MSRA: variants seen among roughly 807,000 people sequenced by gnomAD.
MSRA encodes the protein mitochondrial peptide methionine sulfoxide reductase.
A neutral mutation model predicts 31.3 loss-of-function variants in MSRA; 54 were observed. The ratio of observed to expected loss-of-function variants is 1.73; its 90% confidence interval spans 1.39 to 2.17. The LOEUF (loss-of-function observed/expected upper bound fraction) is 2.17. Among genes scored for constraint, MSRA ranks in the 30% most tolerant of loss-of-function variants. MSRA has a pLI of 0.00. For synonymous variants in MSRA, 169 were observed against 116.5 expected (o/e 1.45, Z -2.90); for missense variants, 507 against 300.9 (o/e 1.69, Z -5.07).
At chr8:10,400,105 A>C (rs748062652) in intron 5 of MSRA, among the ~76,000 whole-genome samples, 6 of 152,018 alleles carry the variant, frequency 3.9e-5, no homozygotes, top group Non-Finnish European at 8.8e-5. Flanking sequence ...GTGATAAACC[A>C]TTGTCATAGA....
chr8:10,248,157 G>C (rs948123360), intron 3 of MSRA, among the ~76,000 whole-genome samples: 1 of 152,168 alleles, frequency 6.6e-6, no homozygotes. Context: ...CATTGTGGGA[G>C]AAATACTAGT....
At position 10,261,537 on chromosome 8, in the gene MSRA, AC is replaced by A. The variant is rs574759507; in HGVS notation, c.331+16316del. 3.7e-4 allele frequency among the ~76,000 whole-genome samples: 56 copies of A among 152,170 alleles called. 1 individual carries two copies. Among genetic ancestry groups the A allele is most frequent in the African/African-American group, 1.3e-3 (54 of 41,522 alleles). On this transcript the variant is annotated intron_variant, in intron 3 of 5. Coordinates refer to ENST00000317173, the MANE Select transcript of MSRA (RefSeq NM_012331.5). ...AAAGCAAGGCATTCGTTTCTACAAA[AC>A]CTTTTTTTTAAGGACTTTAATTTTT...
chr8:10,251,991 C>T (rs915361181), intron 3 of MSRA, among the ~76,000 whole-genome samples: 9 of 152,168 alleles, frequency 5.9e-5, no homozygotes, highest in African/African-American at 1.9e-4. Context: ...AAGGGTTCTG[C>T]AGGAGCTCCA....
At chr8:10,300,487 C>G (rs1356921157) in intron 3 of MSRA, among the ~76,000 whole-genome samples, 1 of 152,024 alleles carries the variant, frequency 6.6e-6, no homozygotes, top group Non-Finnish European at 1.5e-5. Context: ...AACTCCTGAC[C>G]TCAAGTGATC....
intron 5 of MSRA, among the ~76,000 whole-genome samples, chr8:10,410,421 A>G (rs974804385): frequency 3.9e-5 from 6 of 152,224 alleles, no homozygotes; most frequent in African/African-American, 1.4e-4. Context: ...CCATCACCTC[A>G]TAATTCCCAC....
At chr8:10,324,883 T>C (rs1802272484) in intron 5 of MSRA, among the ~76,000 whole-genome samples, 1 of 152,182 alleles carries the variant, frequency 6.6e-6, no homozygotes, top group Non-Finnish European at 1.5e-5. Context: ...CCATCAGTCA[T>C]AGGTTGATTC....
At chr8:10,072,596 A>T (rs1164242443) in intron 1 of MSRA, among the ~76,000 whole-genome samples, 2 of 152,102 alleles carry the variant, frequency 1.3e-5, no homozygotes, top group African/African-American at 4.8e-5. Context: ...GGTCTGTCCC[A>T]CTCCATATAA....
intron 5 of MSRA, among the ~76,000 whole-genome samples, chr8:10,378,365 G>A (rs1040549212): frequency 2.6e-5 from 4 of 152,176 alleles, no homozygotes; most frequent in East Asian, 1.9e-4. Context: ...AACATCTTTA[G>A]GGAGCCCTGC....
Position 10,254,159 on chromosome 8 carries a change from C to T in MSRA, c.331+8936C>T, listed in dbSNP as rs1045427349. Among the ~76,000 whole-genome samples the T allele has an allele frequency of 7.2e-5, 11 of 151,984 alleles. 1 individual carries two copies. The highest frequency in any genetic ancestry group is 6.3e-4 in the South Asian group (3 of 4,798). On this transcript the variant is annotated intron_variant, in intron 3 of 5. Coordinates refer to ENST00000317173, the MANE Select transcript of MSRA (RefSeq NM_012331.5). ...AATTGTGAAGTCTCTCAGGGAATGC[C>T]GAGGGACAGAACTAATTTCAGCGTC...
chr8:10,359,087 T>A (rs1444309612), intron 5 of MSRA, among the ~76,000 whole-genome samples: 1 of 152,160 alleles, frequency 6.6e-6, no homozygotes, highest in African/African-American at 2.4e-5. Context: ...GTGTGAAGCA[T>A]GTGATGTGCT....
rs200259823 is a variant in MSRA, at chr8:10,253,849, C to CT, written c.331+8636dup. On this transcript the variant is annotated intron_variant, in intron 3 of 5. Coordinates refer to ENST00000317173, the MANE Select transcript of MSRA (RefSeq NM_012331.5). ...TTTTAGAGCCTTAGAATAAAGGTTT[C>CT]TTTTTTTTTTCTAAGTTACATTAAA... 1.7e-4 allele frequency among the ~76,000 whole-genome samples: 26 copies of CT among 151,308 alleles called. No individual in the cohort carries two copies. In the East Asian group the frequency reaches 3.3e-3, roughly 19 times the overall value.
intron 3 of MSRA, among the ~76,000 whole-genome samples, chr8:10,286,910 G>A (rs905169220): frequency 6.6e-6 from 1 of 152,248 alleles, no homozygotes; most frequent in African/African-American, 2.4e-5. Flanking sequence ...AATCTTTATA[G>A]CGTACCTTTT....
At chr8:10,119,727 G>C (rs951870009) in intron 1 of MSRA, among the ~76,000 whole-genome samples, 2 of 152,168 alleles carry the variant, frequency 1.3e-5, no homozygotes, top group Admixed American at 6.5e-5. Flanking sequence ...ATGAGGTGGT[G>C]GGGGAGACGT....
intron 1 of MSRA, among the ~76,000 whole-genome samples, chr8:10,189,641 A>G (rs1409592450): frequency 6.6e-6 from 1 of 152,184 alleles, no homozygotes; most frequent in African/African-American, 2.4e-5. Context: ...AATGACATTA[A>G]TTGAATTTTT....
chr8:10,354,651 G>A (rs1284826477), intron 5 of MSRA, among the ~76,000 whole-genome samples: 1 of 150,796 alleles, frequency 6.6e-6, no homozygotes, highest in Non-Finnish European at 1.5e-5. Context: ...CATCGGTGAA[G>A]GTATTATCAG....
At chr8:10,134,279 C>G (rs1159754320) in intron 1 of MSRA, among the ~76,000 whole-genome samples, 2 of 151,776 alleles carry the variant, frequency 1.3e-5, no homozygotes, top group Non-Finnish European at 2.9e-5. Context: ...TTGCTATTAC[C>G]ACGTAAGACA....
chr8:10,104,721 C>T (rs564735503), intron 1 of MSRA, among the ~76,000 whole-genome samples: 7 of 152,122 alleles, frequency 4.6e-5, no homozygotes, highest in Non-Finnish European at 1.0e-4. Context: ...CCTGCTTTTC[C>T]TGAATTCCAA....
intron 1 of MSRA, among the ~76,000 whole-genome samples, chr8:10,090,255 C>A (rs1798789403): frequency 6.6e-6 from 1 of 152,066 alleles, no homozygotes; most frequent in Non-Finnish European, 1.5e-5. Flanking sequence ...TCCAGGAGAG[C>A]AGAAGCTCTC....
chr8:10,166,060 A>C (rs1805093971), intron 1 of MSRA, among the ~76,000 whole-genome samples: 1 of 152,146 alleles, frequency 6.6e-6, no homozygotes, highest in South Asian at 2.1e-4. Flanking sequence ...ATGGACCCTC[A>C]AGGCAGCGAA....
Sources: allele counts gnomAD v4.1 joint callset (sites outside exome capture counted in the v4.1 genomes callset), GRCh38; gene constraint gnomAD v4.1.1; transcripts MANE v1.5; gene names NCBI Gene and HGNC (gene_info 2026-07-23, HGNC 2026-07-21).